MAML3: variants seen among roughly 807,000 people sequenced by gnomAD.
The protein encoded by MAML3 is mastermind like transcriptional coactivator 3, also known as mastermind-like protein 3.
In MAML3, 27 loss-of-function variants were observed where a neutral mutation model predicts 101.9. The ratio of observed to expected loss-of-function variants is 0.27; its 90% CI spans 0.20 to 0.37. The LOEUF is 0.37. MAML3 is among the 10% of genes least tolerant of loss of function. MAML3 has a pLI of 1.00. For synonymous variants in MAML3, 501 were observed against 555.9 expected (o/e 0.90, Z 1.39); for missense variants, 1,316 against 1,444.9 (o/e 0.91, Z 1.45).
At chr4:139,743,256 C>G (rs1018195303) in intron 2 of MAML3, among the ~76,000 whole-genome samples, 2 of 152,202 alleles carry the variant, frequency 1.3e-5, no homozygotes, top group African/African-American at 4.8e-5. Context: ...AACAGCAGAA[C>G]AGGAGGGGCA....
intron 1 of MAML3, among the ~76,000 whole-genome samples, chr4:140,081,065 A>G (rs1727854871): frequency 2.0e-5 from 3 of 152,158 alleles, no homozygotes; most frequent in Admixed American, 2.0e-4. Context: ...CATAGACCAC[A>G]TTGCATTCTC....
intron 1 of MAML3, among the ~76,000 whole-genome samples, chr4:139,921,924 G>C (rs150070999): frequency 1.1e-4 from 16 of 152,344 alleles, no homozygotes; most frequent in African/African-American, 3.8e-4. Flanking sequence ...CAGCAGTTCA[G>C]TGTGGGGAGG....
chr4:139,794,979 T>C (rs141365507), intron 2 of MAML3, among the ~76,000 whole-genome samples: 1 of 152,336 alleles, frequency 6.6e-6, no homozygotes, highest in East Asian at 1.9e-4. Flanking sequence ...AAAAAATCAC[T>C]GTGCCTTACC....
At chr4:139,742,408 C>T (rs1318553393) in intron 2 of MAML3, among the ~76,000 whole-genome samples, 1 of 152,210 alleles carries the variant, frequency 6.6e-6, no homozygotes, top group Non-Finnish European at 1.5e-5. Context: ...CTTGGCCTCC[C>T]AAAGTGCTGG....
At chr4:140,028,307 C>T (rs1726858022) in intron 1 of MAML3, among the ~76,000 whole-genome samples, 1 of 151,908 alleles carries the variant, frequency 6.6e-6, no homozygotes, top group African/African-American at 2.4e-5. Flanking sequence ...GGTAAGGATT[C>T]TGAAAAAAAA....
intron 2 of MAML3, among the ~76,000 whole-genome samples, chr4:139,762,003 A>G (rs1729768631): frequency 6.6e-6 from 1 of 152,016 alleles, no homozygotes; most frequent in Admixed American, 6.5e-5. Context: ...AAGTCAGGCT[A>G]GAGAGGTTGG....
At chr4:139,746,212 G>C (rs1386928917) in intron 2 of MAML3, among the ~76,000 whole-genome samples, 9 of 152,250 alleles carry the variant, frequency 5.9e-5, no homozygotes, top group African/African-American at 2.2e-4. Flanking sequence ...TTATATTTTT[G>C]TAAGATAATT....
intron 2 of MAML3, among the ~76,000 whole-genome samples, chr4:139,823,051 A>G (rs1731002202): frequency 6.6e-6 from 1 of 152,218 alleles, no homozygotes; most frequent in African/African-American, 2.4e-5. Context: ...GACCAAATAT[A>G]TTGGACATTG....
At chr4:140,063,641 A>G (rs1727485764) in intron 1 of MAML3, among the ~76,000 whole-genome samples, 1 of 152,192 alleles carries the variant, frequency 6.6e-6, no homozygotes, top group Non-Finnish European at 1.5e-5. Flanking sequence ...AAGCTTGTTT[A>G]AAACACACAT....
intron 2 of MAML3, among the ~76,000 whole-genome samples, chr4:139,739,679 G>GTTTCTTTTTTTTTTTTTT (rs200037455): frequency 7.6e-6 from 1 of 132,358 alleles, no homozygotes; most frequent in African/African-American, 2.8e-5. Context: ...GAGGAAAGCA[G>GTTTCTTTTTTTTTTTTTT]TTTTTTTTTT....
At chr4:139,782,276 C>A (rs1578598550) in intron 2 of MAML3, among the ~76,000 whole-genome samples, 1 of 152,174 alleles carries the variant, frequency 6.6e-6, no homozygotes, top group African/African-American at 2.4e-5. Context: ...AGTCTTCCTG[C>A]CTCAGCCTCT....
At chr4:139,878,259 C>T (rs1417679036) in intron 2 of MAML3, among the ~76,000 whole-genome samples, 1 of 152,114 alleles carries the variant, frequency 6.6e-6, no homozygotes. Context: ...CTCAGTTGCC[C>T]TCTGGAGGCT....
intron 1 of MAML3, among the ~76,000 whole-genome samples, chr4:139,976,254 TTTC>T (rs1378403517): frequency 6.6e-6 from 1 of 152,230 alleles, no homozygotes; most frequent in Non-Finnish European, 1.5e-5. Context: ...TTTTTTTTCT[TTTC>T]TTCTTCTTCT....
chr4:140,153,284 C>T lies in MAML3; in HGVS notation c.44G>A (p.Ser15Asn), dbSNP rs751803975. 6.2e-7 allele frequency: 1 copy of T among 1,605,668 alleles called. No homozygotes were observed. Among genetic ancestry groups the T allele is most frequent in the South Asian group, 1.1e-5 (1 of 90,134 alleles). ...GTTCAGGCTACTGTTGATGCAAATA[C>T]TACTGCCATTCGCGGCAGCAGCGGG... ...AAPAAAANGSSICINSSLNSS... is the reference protein window; with the variant it reads ...AAPAAAANGSNICINSSLNSS... The change falls in exon 1 of 5, where the codon AGT becomes AAT. Residue 15 changes from serine to asparagine, a missense_variant. Ser to Asn is a conservative substitution (Grantham distance 46). Coordinates refer to ENST00000509479, the MANE Select transcript of MAML3 (RefSeq NM_018717.5).
chr4:140,133,122 A>G (rs906710978), intron 1 of MAML3: 2 of 443,924 alleles, frequency 4.5e-6, no homozygotes, highest in Admixed American at 4.9e-5. Context: ...TACATGGTAA[A>G]TATTTATTTA....
At chr4:139,869,789 G>A (rs1470935570) in intron 2 of MAML3, among the ~76,000 whole-genome samples, 2 of 152,246 alleles carry the variant, frequency 1.3e-5, no homozygotes, top group African/African-American at 2.4e-5. Context: ...CCTTCTAGGA[G>A]ATAAAACGTT....
chr4:139,725,055 G>T (rs1393197925), intron 4 of MAML3, among the ~76,000 whole-genome samples: 1 of 152,116 alleles, frequency 6.6e-6, no homozygotes, highest in African/African-American at 2.4e-5. Context: ...CACCGCACCC[G>T]GCCAAGGGCT....
chr4:139,824,867 C>T (rs76734690), intron 2 of MAML3, among the ~76,000 whole-genome samples: 3 of 152,048 alleles, frequency 2.0e-5, no homozygotes, highest in Non-Finnish European at 2.9e-5. Context: ...CCATATACCC[C>T]CTCCATCCCA....
At chr4:139,992,954 T>C (rs1052756956) in intron 1 of MAML3, among the ~76,000 whole-genome samples, 1 of 152,260 alleles carries the variant, frequency 6.6e-6, no homozygotes, top group Non-Finnish European at 1.5e-5. Flanking sequence ...ATTGAGCACA[T>C]ACTTCATGTT....
Sources: allele counts gnomAD v4.1 joint callset (sites outside exome capture counted in the v4.1 genomes callset), GRCh38; gene constraint gnomAD v4.1.1; transcripts MANE v1.5; gene names NCBI Gene and HGNC (gene_info 2026-07-23, HGNC 2026-07-21).